Variants in MBOAT2 observed in about 807,000 individuals in gnomAD.
The protein encoded by MBOAT2 is membrane bound glycerophospholipid O-acyltransferase 2.
A neutral mutation model predicts 63.4 loss-of-function variants in MBOAT2; 28 were observed. The ratio of observed to expected loss-of-function variants is 0.44; its 90% CI spans 0.33 to 0.61. The LOEUF is 0.61. Among genes scored for constraint, MBOAT2 ranks in the 20% least tolerant of loss-of-function variants. MBOAT2 has a pLI of 0.03. For missense variants in MBOAT2, 470 were observed against 605.8 expected (o/e 0.78, Z 2.35); for synonymous variants, 211 against 215.6 (o/e 0.98, Z 0.19).
intron 6 of MBOAT2, among the ~76,000 whole-genome samples, chr2:8,881,911 TATA>T (rs551503970): frequency 9.8e-5 from 15 of 152,358 alleles, no homozygotes; most frequent in African/African-American, 3.6e-4. Flanking sequence ...TTTCTTTAAG[TATA>T]ATGAGTATTC....
chr2:8,961,141 C>A (rs553381497), intron 1 of MBOAT2, among the ~76,000 whole-genome samples: 1 of 152,282 alleles, frequency 6.6e-6, no homozygotes, highest in African/African-American at 2.4e-5. Flanking sequence ...AAACTATGAA[C>A]CACTCAATAG....
intron 2 of MBOAT2, among the ~76,000 whole-genome samples, chr2:8,949,967 C>T (rs1342254900): frequency 6.6e-6 from 1 of 152,086 alleles, no homozygotes; most frequent in East Asian, 1.9e-4. Context: ...GAGGTTTTTC[C>T]ATTTGTTGTG....
chr2:8,884,195 CAAAA>C (rs1169179642), intron 5 of MBOAT2, among the ~76,000 whole-genome samples: 1 of 22,098 alleles, frequency 4.5e-5, no homozygotes, highest in Non-Finnish European at 8.9e-5. Flanking sequence ...AAGACTCAGC[CAAAA>C]AAAAAAAAAA....
chr2:8,929,229 G>A (rs984683130), intron 3 of MBOAT2, among the ~76,000 whole-genome samples: 3 of 152,144 alleles, frequency 2.0e-5, no homozygotes, highest in Non-Finnish European at 1.5e-5. Context: ...AAAAATTACT[G>A]CTATAGAAAG....
rs1024136874 is a variant in MBOAT2, at chr2:8,855,333, C to A, written c.*3346G>T. The A allele has an allele frequency of 2.0e-5, 3 of 152,212 alleles. No individual in the cohort carries two copies. The highest frequency in any genetic ancestry group is 6.5e-5 in the Admixed American group (1 of 15,270). The allele number at this position is 152,212 out of a possible 1,614,324, so 9.4% of individuals were successfully genotyped here. A position where few individuals can be genotyped will look rare whatever the true frequency, so the allele number is the denominator to read the frequency against. On this transcript the variant is annotated 3_prime_UTR_variant, in exon 13 of 13. Coordinates refer to ENST00000305997, the MANE Select transcript of MBOAT2 (RefSeq NM_138799.4). ...CTTGGGGTCTACAGGACAGGTGGCT[C>A]CTCCAAGTCTTAAGTCTCATGAAAG...
chr2:8,887,100 A>C (rs1663612850), intron 5 of MBOAT2, among the ~76,000 whole-genome samples: 2 of 152,294 alleles, frequency 1.3e-5, no homozygotes, highest in Admixed American at 1.3e-4. Context: ...ACATCTGCCC[A>C]TCCATCAAAA....
chr2:8,864,576 C>T (rs995509430), intron 9 of MBOAT2, among the ~76,000 whole-genome samples: 1 of 152,072 alleles, frequency 6.6e-6, no homozygotes, highest in African/African-American at 2.4e-5. Flanking sequence ...ACTGGGGCGC[C>T]CACCTTGTTA....
At chr2:8,961,170 T>C (rs1272685982) in intron 1 of MBOAT2, among the ~76,000 whole-genome samples, 1 of 152,234 alleles carries the variant, frequency 6.6e-6, no homozygotes, top group Non-Finnish European at 1.5e-5. Context: ...GCAAAAGGAA[T>C]GAACAATTTA....
rs763029413 is a variant in MBOAT2, at chr2:8,888,122, C to T, written c.396-49G>A. On this transcript the variant is annotated intron_variant, in intron 4 of 12. Transcript: ENST00000305997. The stretch of plus-strand genomic sequence containing the variant: ...GTGTTTTAAAAGAAGAAAGTTAAAA[C>T]AATACTTATGACATATGAGTTAAGA... The T allele has an allele frequency of 2.0e-6, 3 of 1,517,614 alleles. No homozygotes were observed. The Admixed American group carries it at 5.1e-5, about 26-fold the overall frequency. 94.0% of individuals were successfully genotyped at this position (1,517,614 alleles called of 1,614,324 possible).
At position 8,862,514 on chromosome 2, in the gene MBOAT2, G is replaced by A; in HGVS notation, c.1185+76C>T. The A allele has an allele frequency of 6.6e-7, 1 of 1,516,568 alleles. No individual in the cohort carries two copies. Among genetic ancestry groups the A allele is most frequent in the East Asian group, 2.3e-5 (1 of 44,300 alleles). 93.9% of individuals were successfully genotyped at this position (1,516,568 alleles called of 1,614,324 possible). On this transcript the variant is annotated intron_variant, in intron 11 of 12. Coordinates refer to ENST00000305997, the MANE Select transcript of MBOAT2 (RefSeq NM_138799.4). The surrounding 1 kb of genome is among the most constrained non-coding windows in gnomAD (Gnocchi z 4.3). ...CGACCAAGGAAAGAGGGTCTACCTT[G>A]TAAGAGAGATGTACTCAGCCTTTTT...
rs1400541654 is a variant in MBOAT2 at position 8,900,435 on chromosome 2, T to C, written c.395+8186A>G. On this transcript the variant is annotated intron_variant, in intron 4 of 12. Transcript: ENST00000305997. ...AGACCCTGTAGGACATCTATGTACC[T>C]ATCAGGATCATCTGAAAACTTCCCC... Among the ~76,000 whole-genome samples the C allele has an allele frequency of 3.9e-5, 6 of 152,340 alleles. No individual in the cohort carries two copies. The East Asian group carries it at 9.6e-4, about 24-fold the overall frequency.
Position 8,860,021 on chromosome 2 carries a change from TA to T in MBOAT2, c.1337+591del, listed in dbSNP as rs1274922379. Among the ~76,000 whole-genome samples, 635 of 143,298 alleles carry T rather than the reference TA, an allele frequency of 4.4e-3. 9 individuals carry two copies. The highest frequency in any genetic ancestry group is 0.022 in the South Asian group (99 of 4,554). The allele number at this position is 143,298 out of a possible 152,430, so 94.0% of individuals were successfully genotyped here. ...CAAGATGGTGAAACCCCATCTCTAC[TA>T]AAAAAAAAAACAAAAATTAGCCGGG... On this transcript the variant is annotated intron_variant, in intron 12 of 12. Transcript: ENST00000305997.
intron 4 of MBOAT2, among the ~76,000 whole-genome samples, chr2:8,906,366 G>C (rs1345074673): frequency 6.6e-6 from 1 of 152,194 alleles, no homozygotes; most frequent in East Asian, 1.9e-4. Context: ...ACTCATGCTT[G>C]CTGACAGGAT....
At chr2:8,973,650 T>C (rs996887947) in intron 1 of MBOAT2, among the ~76,000 whole-genome samples, 32 of 149,418 alleles carry the variant, frequency 2.1e-4, no homozygotes, top group Admixed American at 6.7e-5. Flanking sequence ...AACAGTATAA[T>C]AGAAAAGTAG....
intron 4 of MBOAT2, among the ~76,000 whole-genome samples, chr2:8,890,259 C>G (rs899948623): frequency 2.6e-4 from 40 of 152,216 alleles, no homozygotes; most frequent in African/African-American, 9.6e-4. Flanking sequence ...CTGGACAACT[C>G]TATCTCAAGT....
intron 4 of MBOAT2, among the ~76,000 whole-genome samples, chr2:8,894,794 T>C (rs1006769535): frequency 6.6e-6 from 1 of 152,214 alleles, no homozygotes; most frequent in Non-Finnish European, 1.5e-5. Context: ...TCTGGTGGGT[T>C]CGTGGTCTTG....
intron 1 of MBOAT2, among the ~76,000 whole-genome samples, chr2:8,965,256 C>T (rs1407516809): frequency 6.6e-6 from 1 of 152,126 alleles, no homozygotes; most frequent in East Asian, 1.9e-4. Context: ...TTATCTATAC[C>T]TATTTCCTAC....
At chr2:8,966,181 A>G (rs1000392107) in intron 1 of MBOAT2, among the ~76,000 whole-genome samples, 3 of 152,224 alleles carry the variant, frequency 2.0e-5, no homozygotes, top group Non-Finnish European at 2.9e-5. Flanking sequence ...AAAGTTCAAA[A>G]TGCGTAACAA....
chr2:8,885,684 T>G (rs923432323), intron 5 of MBOAT2, among the ~76,000 whole-genome samples: 1 of 152,154 alleles, frequency 6.6e-6, no homozygotes, highest in Non-Finnish European at 1.5e-5. Flanking sequence ...CTCATATACA[T>G]GATTCAAAGC....
Sources: allele counts gnomAD v4.1 joint callset (sites outside exome capture counted in the v4.1 genomes callset), GRCh38; gene constraint gnomAD v4.1.1; non-coding constraint Gnocchi (gnomAD v3.1); transcripts MANE v1.5; gene names NCBI Gene and HGNC (gene_info 2026-07-23, HGNC 2026-07-21).